Variants in FAM20B observed in about 807,000 individuals in gnomAD.
FAM20B encodes FAM20B glycosaminoglycan xylosylkinase, also known as glycosaminoglycan xylosylkinase.
In FAM20B, 23 loss-of-function variants were observed where a neutral mutation model predicts 43.8. That is an observed-to-expected ratio of 0.53 (90% CI 0.38 to 0.74). The LOEUF (loss-of-function observed/expected upper bound fraction) is 0.74, where lower values mean the gene tolerates loss of function less well. FAM20B is among the 30% of genes least tolerant of loss of function. The probability of loss-of-function intolerance (pLI) is 0.00; values close to 1 mark genes in which losing one functional copy is unlikely to be tolerated. For synonymous variants in FAM20B, 178 were observed against 192.4 expected (o/e 0.93, Z 0.62); for missense variants, 440 against 510.5 (o/e 0.86, Z 1.33).
chr1:179,028,909 A>G (rs547696201), intron 1 of FAM20B, among the ~76,000 whole-genome samples: 2 of 152,362 alleles, frequency 1.3e-5, no homozygotes, highest in South Asian at 4.1e-4. Flanking sequence ...AGAAAAAAAA[A>G]GCGTAGAAAA....
At chr1:179,051,675 C>T (rs945383460) in intron 3 of FAM20B, among the ~76,000 whole-genome samples, 1 of 152,094 alleles carries the variant, frequency 6.6e-6, no homozygotes, top group Non-Finnish European at 1.5e-5. Context: ...GAGACAGAGT[C>T]TCACTCTGTC....
intron 1 of FAM20B, chr1:179,035,583 A>G (rs899365880): frequency 1.7e-6 from 1 of 586,586 alleles, no homozygotes; most frequent in Non-Finnish European, 3.2e-6. Context: ...GGCACAGTTC[A>G]TGCAGCGAAT....
chr1:179,026,306 C>T (rs1649771537), intron 1 of FAM20B, among the ~76,000 whole-genome samples: 1 of 151,516 alleles, frequency 6.6e-6, no homozygotes, highest in African/African-American at 2.4e-5. Context: ...GGCGAGGGCC[C>T]GAGGCTTCCT....
chr1:179,063,206 G>A (rs142663945), intron 4 of FAM20B, among the ~76,000 whole-genome samples: 2,239 of 152,228 alleles, frequency 0.015, 44 homozygotes, highest in African/African-American at 0.049. Context: ...GAACCTGGGA[G>A]GCAGAGGTTG....
rs923117219 is a variant in FAM20B, at chr1:179,038,109, G to A, written c.-133-5606G>A. ...TTCATTCTAAATGAATGAGCAATAC[G>A]ATTAAAAGTTTATGGGTTGGTCGGG... On this transcript the variant is annotated intron_variant, in intron 1 of 7. Transcript: ENST00000263733. Among the ~76,000 whole-genome samples, 4 of 152,116 alleles carry A rather than the reference G, an allele frequency of 2.6e-5. No homozygotes were observed. The East Asian group carries it at 7.7e-4, about 29-fold the overall frequency.
chr1:179,035,675 GA>G (rs1650195873), intron 1 of FAM20B: 1 of 372,654 alleles, frequency 2.7e-6, no homozygotes, highest in African/African-American at 2.1e-5. Flanking sequence ...GACCGGAGAG[GA>G]GATTCTTGAA....
At chr1:179,027,515 C>T (rs779316413) in intron 1 of FAM20B, among the ~76,000 whole-genome samples, 3 of 152,150 alleles carry the variant, frequency 2.0e-5, no homozygotes, top group Non-Finnish European at 4.4e-5. Flanking sequence ...CTAAAGTTTG[C>T]AAAGATGTTG....
intron 1 of FAM20B, among the ~76,000 whole-genome samples, chr1:179,038,586 C>A (rs1248022596): frequency 6.6e-6 from 1 of 152,152 alleles, no homozygotes; most frequent in African/African-American, 2.4e-5. Context: ...ACTAGATTTC[C>A]ATATTGCCTT....
At chr1:179,043,633 C>T (rs1650636002) in intron 1 of FAM20B, 82 bp from the exon 2 acceptor site, 2 of 479,596 alleles carry the variant, frequency 4.2e-6, no homozygotes, top group South Asian at 9.0e-5. Flanking sequence ...AAGGGTGAGT[C>T]ATATATTAGA....
chr1:179,043,708 C>A lies in FAM20B; in HGVS notation c.-133-7C>A. 2 of 839,642 alleles carry A rather than the reference C, an allele frequency of 2.4e-6. No individual in the cohort carries two copies. Among genetic ancestry groups the A allele is most frequent in the Non-Finnish European group, 3.6e-6 (2 of 553,452 alleles). 52.0% of individuals were successfully genotyped at this position (839,642 alleles called of 1,614,324 possible). On this transcript the variant is annotated splice_region_variant and splice_polypyrimidine_tract_variant and intron_variant, in intron 1 of 7. Transcript: ENST00000263733. ...GATCAAATTTTGCTTTGTACTTGGG[C>A]TTGCAGGAACTGTGGAAGGTGCATC...
intron 7 of FAM20B, among the ~76,000 whole-genome samples, chr1:179,070,857 T>C (rs1428653604): frequency 6.6e-6 from 1 of 151,162 alleles, no homozygotes; most frequent in Non-Finnish European, 1.5e-5. Flanking sequence ...GTTCCACCCA[T>C]GAGGGCAGAG....
upstream of FAM20B, among the ~76,000 whole-genome samples, chr1:179,022,466 G>A (rs375678271): frequency 1.6e-4 from 25 of 152,220 alleles, no homozygotes; most frequent in East Asian, 4.1e-3. Context: ...GTGTGTGCGC[G>A]CGCGCGTGTA....
At chr1:179,023,701 A>G (rs549701744), upstream of FAM20B, among the ~76,000 whole-genome samples, 3 of 152,284 alleles carry the variant, frequency 2.0e-5, no homozygotes, top group East Asian at 5.8e-4. Context: ...AGCACTGCCT[A>G]ACTTTGGTTC....
chr1:179,042,988 C>T (rs772535933), intron 1 of FAM20B, among the ~76,000 whole-genome samples: 8 of 152,202 alleles, frequency 5.3e-5, no homozygotes, highest in Non-Finnish European at 1.2e-4. Context: ...GACAGCCCAG[C>T]CCCCATGCTT....
At chr1:179,020,151 G>A in the FAM20B span, among the ~76,000 whole-genome samples, 10 of 122,048 alleles carry the variant, frequency 8.2e-5, no homozygotes, top group East Asian at 7.4e-4. Flanking sequence ...GTATGTGTGT[G>A]TATACACACA....
chr1:179,052,559 C>T (rs1557874119), intron 3 of FAM20B, among the ~76,000 whole-genome samples: 1 of 152,092 alleles, frequency 6.6e-6, no homozygotes, highest in Non-Finnish European at 1.5e-5. Flanking sequence ...ATACACATAT[C>T]TAAGACATTT....
upstream of FAM20B, among the ~76,000 whole-genome samples, chr1:179,025,067 T>C (rs183842883): frequency 4.1e-4 from 62 of 152,296 alleles, no homozygotes; most frequent in African/African-American, 1.4e-3. Flanking sequence ...ACACTAAGTT[T>C]GCGCTTTAGT....
intron 3 of FAM20B, among the ~76,000 whole-genome samples, 182 bp from the exon 4 acceptor site, chr1:179,054,347 A>G (rs944093544): frequency 1.3e-5 from 2 of 152,210 alleles, no homozygotes; most frequent in African/African-American, 2.4e-5. Context: ...AATGTATATT[A>G]AAATAAATTA....
intron 3 of FAM20B, among the ~76,000 whole-genome samples, 183 bp downstream of exon 3, chr1:179,050,548 A>T (rs138437078): frequency 3.3e-5 from 5 of 152,322 alleles, no homozygotes; most frequent in Non-Finnish European, 5.9e-5. Context: ...GGCACCAGGA[A>T]TACTGAAGTA....
Sources: gnomAD v4.1 joint callset for allele counts (sites outside exome capture counted in the v4.1 genomes callset) on GRCh38, gnomAD v4.1.1 for gene constraint, MANE v1.5 for transcripts, NCBI Gene and HGNC (gene_info 2026-07-23, HGNC 2026-07-21) for gene names.